The following KCNQ5 variants were observed in gnomAD, a reference collection of about 807,000 sequenced individuals.
The protein encoded by KCNQ5 is potassium voltage-gated channel subfamily Q member 5, also known as potassium voltage-gated channel subfamily KQT member 5.
Under a neutral mutation model 98.2 loss-of-function variants are expected in KCNQ5, and 30 were observed. The ratio of observed to expected loss-of-function variants is 0.31; its 90% CI spans 0.23 to 0.41. The LOEUF is 0.41. KCNQ5 is among the 10% of genes least tolerant of loss of function. KCNQ5 has a pLI of 1.00. For synonymous variants in KCNQ5, 458 were observed against 449.4 expected, an observed-to-expected ratio of 1.02 and a Z score of -0.24; for missense variants, 835 against 1,182.5, an observed-to-expected ratio of 0.71 and a Z score of 4.31.
At chr6:72,986,096 G>A (rs1768761807) in intron 1 of KCNQ5, among the ~76,000 whole-genome samples, 1 of 152,150 alleles carries the variant, frequency 6.6e-6, no homozygotes, top group Admixed American at 6.5e-5. Context: ...CGGGCCTTGT[G>A]GTGGGCACCT....
At chr6:72,947,069 C>T (rs1766581805) in intron 1 of KCNQ5, among the ~76,000 whole-genome samples, 1 of 152,104 alleles carries the variant, frequency 6.6e-6, no homozygotes, top group Non-Finnish European at 1.5e-5. Context: ...TCCATATAGC[C>T]TTTGAACCTC....
intron 1 of KCNQ5, among the ~76,000 whole-genome samples, chr6:72,760,253 A>T (rs1235244885): frequency 6.6e-6 from 1 of 152,172 alleles, no homozygotes; most frequent in Non-Finnish European, 1.5e-5. Flanking sequence ...GAAGAGCAGC[A>T]TTAGCATTTT....
intron 1 of KCNQ5, among the ~76,000 whole-genome samples, chr6:72,702,284 T>C (rs968888714): frequency 1.3e-5 from 2 of 152,200 alleles, no homozygotes; most frequent in South Asian, 2.1e-4. Flanking sequence ...GATAAAATAC[T>C]AACATTTGTG....
At chr6:72,727,474 T>C (rs1770342240) in intron 1 of KCNQ5, among the ~76,000 whole-genome samples, 1 of 152,190 alleles carries the variant, frequency 6.6e-6, no homozygotes, top group Non-Finnish European at 1.5e-5. Context: ...TCAAAGAATA[T>C]CCCTGTTGTT....
chr6:72,641,230 C>T (rs2098927020), intron 1 of KCNQ5, among the ~76,000 whole-genome samples: 1 of 152,016 alleles, frequency 6.6e-6, no homozygotes, highest in Admixed American at 6.6e-5. Context: ...AGAAATATTT[C>T]CTGAAATCAA....
chr6:72,714,667 A>G (rs1769549940), intron 1 of KCNQ5, among the ~76,000 whole-genome samples: 1 of 152,208 alleles, frequency 6.6e-6, no homozygotes, highest in Admixed American at 6.5e-5. Context: ...GCTTTCACTG[A>G]TGACCATCTG....
chr6:73,070,875 A>G (rs1773274366), intron 3 of KCNQ5, among the ~76,000 whole-genome samples: 2 of 152,330 alleles, frequency 1.3e-5, no homozygotes, highest in Middle Eastern at 3.4e-3. Context: ...TCTGTGGTAG[A>G]CAGCTAGCTA....
intron 1 of KCNQ5, among the ~76,000 whole-genome samples, chr6:72,887,116 A>T (rs914542888): frequency 3.9e-5 from 6 of 152,216 alleles, no homozygotes; most frequent in African/African-American, 1.4e-4. Context: ...TCTAAGAAAG[A>T]AGGAAAATTT....
intron 1 of KCNQ5, among the ~76,000 whole-genome samples, chr6:72,736,469 A>G (rs1436571241): frequency 6.6e-6 from 1 of 151,538 alleles, no homozygotes; most frequent in Non-Finnish European, 1.5e-5. Flanking sequence ...AATTAACATA[A>G]TATAAATTAT....
At chr6:73,059,135 T>C (rs1297536067) in intron 3 of KCNQ5, among the ~76,000 whole-genome samples, 3 of 152,184 alleles carry the variant, frequency 2.0e-5, no homozygotes. Context: ...TCAGTACTAT[T>C]CACAATAGCA....
intron 1 of KCNQ5, among the ~76,000 whole-genome samples, chr6:72,914,182 C>G (rs1046711039): frequency 3.9e-5 from 6 of 152,054 alleles, no homozygotes. Context: ...ATTTGAAGGT[C>G]AGAGGCTTGG....
chr6:73,032,237 G>A (rs1300308922), intron 2 of KCNQ5, among the ~76,000 whole-genome samples: 3 of 151,932 alleles, frequency 2.0e-5, no homozygotes, highest in Admixed American at 6.6e-5. Flanking sequence ...TTTTGATCTC[G>A]GCTCACTGCA....
intron 5 of KCNQ5, among the ~76,000 whole-genome samples, chr6:73,101,677 C>A (rs1774780393): frequency 6.6e-6 from 1 of 151,378 alleles, no homozygotes; most frequent in Admixed American, 6.6e-5. Context: ...AAATTAAATA[C>A]CTAGGAATTA....
In KCNQ5 at chr6:72,622,122, G is replaced by A. The variant is rs1429381296; in HGVS notation, c.-68G>A. On this transcript the variant is annotated 5_prime_UTR_variant, in exon 1 of 14. Transcript: ENST00000370398. This position sits in a 1 kb window ranked among gnomAD's most constrained non-coding sequence, Gnocchi z 6.0. The stretch of plus-strand genomic sequence containing the variant: ...GCCGGCTTCCTCCTTGAAACCCGCC[G>A]GCGCACATGAGGCCGCTGCCCCCGC... 5 of 1,191,530 alleles carry A rather than the reference G, an allele frequency of 4.2e-6. 1 individual carries two copies. In the South Asian group the frequency reaches 1.3e-4, roughly 31 times the overall value. 73.8% of individuals were successfully genotyped at this position (1,191,530 alleles called of 1,614,324 possible). A position where few individuals can be genotyped will look rare whatever the true frequency, so the allele number is the denominator to read the frequency against.
intron 1 of KCNQ5, among the ~76,000 whole-genome samples, chr6:72,720,692 T>C (rs1056529387): frequency 6.6e-6 from 1 of 152,176 alleles, no homozygotes; most frequent in Non-Finnish European, 1.5e-5. Context: ...CTCCTAGAAA[T>C]GTAGAATGAT....
chr6:73,045,540 G>A (rs1001651326), intron 3 of KCNQ5, among the ~76,000 whole-genome samples: 1 of 152,162 alleles, frequency 6.6e-6, no homozygotes, highest in African/African-American at 2.4e-5. Context: ...CACCCAAGCT[G>A]CCCTTCATTT....
chr6:73,075,348 A>T (rs770808118), intron 3 of KCNQ5, among the ~76,000 whole-genome samples: 5 of 151,362 alleles, frequency 3.3e-5, no homozygotes, highest in Admixed American at 6.6e-5. Flanking sequence ...TCAGCCTTCC[A>T]AGTAGCTGGG....
chr6:72,962,185 A>T (rs1167808330), intron 1 of KCNQ5, among the ~76,000 whole-genome samples: 1 of 114,488 alleles, frequency 8.7e-6, no homozygotes, highest in Non-Finnish European at 1.8e-5. Flanking sequence ...TTCTCTAAAT[A>T]TATATATATA....
chr6:72,875,115 G>C (rs1017260758), intron 1 of KCNQ5, among the ~76,000 whole-genome samples: 1 of 152,098 alleles, frequency 6.6e-6, no homozygotes, highest in African/African-American at 2.4e-5. Context: ...CTTGTTTTAT[G>C]CATAAAGTGA....
Sources: allele counts gnomAD v4.1 joint callset (sites outside exome capture counted in the v4.1 genomes callset), GRCh38; gene constraint gnomAD v4.1.1; non-coding constraint Gnocchi (gnomAD v3.1); transcripts MANE v1.5; gene names NCBI Gene and HGNC (gene_info 2026-07-23, HGNC 2026-07-21).